The following OSBPL1A variants were observed in gnomAD, a reference collection of about 807,000 sequenced individuals.
OSBPL1A encodes oxysterol binding protein like 1A.
OSBPL1A carries 80 observed loss-of-function variants against 137.1 expected under a neutral mutation model. The observed-to-expected ratio is 0.58, with a 90% confidence interval of 0.49 to 0.70. The LOEUF is 0.70. Among genes scored for constraint, OSBPL1A ranks in the 30% least tolerant of loss-of-function variants. The probability of loss-of-function intolerance (pLI) is 0.00; values close to 1 mark genes in which losing one functional copy is unlikely to be tolerated. For missense variants in OSBPL1A, 970 were observed against 1,129.4 expected (o/e 0.86, Z 2.02); for synonymous variants, 365 against 389.7 (o/e 0.94, Z 0.75).
chr18:24,358,488 A>G (rs1320988461), intron 4 of OSBPL1A: 3 of 702,188 alleles, frequency 4.3e-6, no homozygotes, highest in East Asian at 5.4e-5. Context: ...ACTCATCTCC[A>G]TCTCAGCTTC....
chr18:24,285,523 G>T (rs1242139137), intron 14 of OSBPL1A, among the ~76,000 whole-genome samples: 4 of 151,988 alleles, frequency 2.6e-5, no homozygotes, highest in Admixed American at 2.0e-4. Context: ...AATATATTTT[G>T]CCTGTTTTTC....
rs142896882 is a variant in OSBPL1A, at chr18:24,314,470, T to C, written c.871-123A>G. The C allele has an allele frequency of 2.4e-3, 1,424 of 600,790 alleles. 2 individuals are homozygous for C. Among genetic ancestry groups the C allele is most frequent in the Non-Finnish European group, 3.5e-3 (1,263 of 358,290 alleles). 37.2% of individuals were successfully genotyped at this position (600,790 alleles called of 1,614,324 possible). A position where few individuals can be genotyped will look rare whatever the true frequency, so the allele number is the denominator to read the frequency against. On this transcript the variant is annotated intron_variant, in intron 11 of 27. Transcript: ENST00000319481. The stretch of plus-strand genomic sequence containing the variant: ...CGATACCCAGTTGAACACTTAAGTA[T>C]TGACAGATAAAAATTGGAAAAAAAT...
intron 13 of OSBPL1A, among the ~76,000 whole-genome samples, chr18:24,310,062 A>AAG (rs1568017126): frequency 3.7e-5 from 5 of 136,786 alleles, no homozygotes; most frequent in African/African-American, 1.4e-4. Context: ...AAAAAAAAAG[A>AAG]AAAAAAAAAA....
intron 7 of OSBPL1A, among the ~76,000 whole-genome samples, chr18:24,324,455 T>TAAAAAAAAAAAAAAAAAAAAAA: frequency 7.7e-5 from 1 of 12,976 alleles, no homozygotes; most frequent in Non-Finnish European, 1.4e-4. Flanking sequence ...CTGAAAAAGT[T>TAAAAAAAAAAAAAAAAAAAAAA]AAAAAAAAAA....
In OSBPL1A at chr18:24,330,897, C is replaced by G. The variant is rs149983220; in HGVS notation, c.625+2045G>C. The stretch of plus-strand genomic sequence containing the variant: ...GCAACCTCCACCTCCTGGGTTCAAG[C>G]AATTCTCCTGCTTCAGCCTCCCGAG... On this transcript the variant is annotated intron_variant, in intron 7 of 27. Transcript: ENST00000319481. Among the ~76,000 whole-genome samples the G allele has an allele frequency of 1.0e-3, 155 of 152,220 alleles. 2 individuals are homozygous for G. In the East Asian group the frequency reaches 0.02, roughly 19 times the overall value.
At chr18:24,371,374 T>C (rs1293789997) in intron 2 of OSBPL1A, among the ~76,000 whole-genome samples, 2 of 152,142 alleles carry the variant, frequency 1.3e-5, no homozygotes, top group Non-Finnish European at 2.9e-5. Flanking sequence ...ATATTCAGCT[T>C]CACAGAGAAA....
chr18:24,383,460 A>G (rs1324876432), intron 1 of OSBPL1A, among the ~76,000 whole-genome samples: 1 of 152,264 alleles, frequency 6.6e-6, no homozygotes, highest in Non-Finnish European at 1.5e-5. Context: ...TGAAAAGGAT[A>G]AAAATAAATC....
At chr18:24,226,084 T>G (rs1326334266) in intron 16 of OSBPL1A, among the ~76,000 whole-genome samples, 1 of 152,202 alleles carries the variant, frequency 6.6e-6, no homozygotes, top group African/African-American at 2.4e-5. Context: ...CAGGCATTCT[T>G]AGGATGGAAA....
intron 19 of OSBPL1A, among the ~76,000 whole-genome samples, chr18:24,180,657 G>A (rs1446001663): frequency 6.6e-6 from 1 of 152,116 alleles, no homozygotes; most frequent in Admixed American, 6.5e-5. Context: ...GGTGGATCAC[G>A]AGGTCAGGAG....
intron 13 of OSBPL1A, among the ~76,000 whole-genome samples, chr18:24,305,031 G>T (rs1234449469): frequency 4.6e-5 from 7 of 152,144 alleles, no homozygotes; most frequent in Non-Finnish European, 8.8e-5. Flanking sequence ...ACCAAAACAT[G>T]CACTGCAACC....
At chr18:24,279,021 GGTAA>G (rs2089901344) in intron 15 of OSBPL1A, among the ~76,000 whole-genome samples, 1 of 151,942 alleles carries the variant, frequency 6.6e-6, no homozygotes, top group Non-Finnish European at 1.5e-5. Context: ...AAAGACTTTT[GGTAA>G]GTTTGTTTTA....
At chr18:24,189,492 C>G (rs1486240859) in intron 18 of OSBPL1A, among the ~76,000 whole-genome samples, 1 of 152,168 alleles carries the variant, frequency 6.6e-6, no homozygotes, top group Non-Finnish European at 1.5e-5. Context: ...CAGCTGTCCC[C>G]TGGACAGAGC....
rs1444480913 is a variant in OSBPL1A, at chr18:24,162,891, T to C, written c.*288A>G. 4.4e-6 allele frequency: 1 copy of C among 227,496 alleles called. No individual in the cohort carries two copies. Among genetic ancestry groups the C allele is most frequent in the Non-Finnish European group, 8.6e-6 (1 of 116,064 alleles). The allele number at this position is 227,496 out of a possible 1,614,324, so 14.1% of individuals were successfully genotyped here. A position where few individuals can be genotyped will look rare whatever the true frequency, so the allele number is the denominator to read the frequency against. ...TTTAGGTATAAACCTTCAGTAAATA[T>C]GGCAACAGCAACCATAAAAAGCATA... On this transcript the variant is annotated 3_prime_UTR_variant, in exon 28 of 28. Transcript: ENST00000319481.
rs1289774280 is a variant in OSBPL1A at position 24,166,595 on chromosome 18, C to T, written c.2643G>A (p.Met881Ile). ...DCRLRPDIRA[M>I]ENGEIDQASE... Reference sequence around the variant, plus strand: ...GCTAGTTACCTATCTCTCCATTTTCCATGGCTCTGATGTCAGGCCGTAACC... The same window carrying T: ...GCTAGTTACCTATCTCTCCATTTTCTATGGCTCTGATGTCAGGCCGTAACC... The change falls in exon 26 of 28, where the codon ATG becomes ATA. Residue 881 changes from methionine (M) to isoleucine (I), a missense_variant. By Grantham distance (10) the Met-to-Ile change is conservative (BLOSUM62 1). Around this residue, in one of 2 missense-constraint regions of OSBPL1A, gnomAD observed 323 missense variants for 456.8 expected, o/e 0.71. Coordinates refer to ENST00000319481, the MANE Select transcript of OSBPL1A (RefSeq NM_080597.4). The T allele has an allele frequency of 1.9e-6, 3 of 1,610,442 alleles. No individual in the cohort carries two copies. Among genetic ancestry groups the T allele is most frequent in the Non-Finnish European group, 2.5e-6 (3 of 1,178,912 alleles).
intron 15 of OSBPL1A, among the ~76,000 whole-genome samples, chr18:24,265,436 C>T (rs275882): frequency 1.3e-5 from 2 of 152,000 alleles, no homozygotes; most frequent in Admixed American, 6.5e-5. Context: ...GCAGAGATCA[C>T]GTTACTGCAC....
chr18:24,364,302 G>A (rs1352445908), intron 4 of OSBPL1A, among the ~76,000 whole-genome samples: 2 of 152,178 alleles, frequency 1.3e-5, no homozygotes, highest in African/African-American at 2.4e-5. Flanking sequence ...TCAGAGCAGA[G>A]GAAGAAGCGA....
chr18:24,271,482 G>GCA lies in OSBPL1A; in HGVS notation c.1281+9358_1281+9359dup. 1.1e-6 allele frequency: 1 copy of GCA among 895,518 alleles called. No homozygotes were observed. Among genetic ancestry groups the GCA allele is most frequent in the Middle Eastern group, 5.7e-4 (1 of 1,752 alleles). 55.5% of individuals were successfully genotyped at this position (895,518 alleles called of 1,614,324 possible). ...CGCGCCCGCGGCTGCACCCCACTCTGCACACACACGTCCAACTATTCTTGG... is the reference window on the plus strand; with the variant it reads ...CGCGCCCGCGGCTGCACCCCACTCTGCACACACACACGTCCAACTATTCTTGG... On this transcript the variant is annotated intron_variant, in intron 15 of 27. Transcript: ENST00000319481. The surrounding 1 kb of genome is among the most constrained non-coding windows in gnomAD (Gnocchi z 4.0).
In OSBPL1A at chr18:24,258,722, C is replaced by T. The variant is rs149799252; in HGVS notation, c.1282-19340G>A. Among the ~76,000 whole-genome samples the T allele has an allele frequency of 4.7e-3, 712 of 151,926 alleles. 5 individuals are homozygous for T. The highest frequency in any genetic ancestry group is 0.016 in the African/African-American group (681 of 41,442). ...CCTGCATCAAAATATCTCATGTATC[C>T]CTTATATCTATGTGCTCACAAAAAT... On this transcript the variant is annotated intron_variant, in intron 15 of 27. Transcript: ENST00000319481.
intron 9 of OSBPL1A, among the ~76,000 whole-genome samples, chr18:24,317,749 C>A (rs187180433): frequency 6.6e-6 from 1 of 152,174 alleles, no homozygotes; most frequent in East Asian, 1.9e-4. Flanking sequence ...AGAAAATTAT[C>A]CTAAATTTAT....
Sources: allele counts gnomAD v4.1 joint callset (sites outside exome capture counted in the v4.1 genomes callset), GRCh38; gene constraint gnomAD v4.1.1; regional missense constraint gnomAD v4.1.1; non-coding constraint Gnocchi (gnomAD v3.1); transcripts MANE v1.5; gene names NCBI Gene and HGNC (gene_info 2026-07-23, HGNC 2026-07-21).